C1QBP: variants seen among roughly 807,000 people sequenced by gnomAD.
The protein encoded by C1QBP is complement component 1 Q subcomponent-binding protein, mitochondrial.
Under a neutral mutation model 29.4 loss-of-function variants are expected in C1QBP, and 24 were observed. That is an observed-to-expected ratio of 0.82 (90% CI 0.59 to 1.15). C1QBP has a LOEUF of 1.15. Among genes scored for constraint, C1QBP ranks in the 50% most tolerant of loss-of-function variants. The pLI, the probability that C1QBP is intolerant of heterozygous loss-of-function variation, is 0.00. For synonymous variants in C1QBP, 182 were observed against 149.2 expected (o/e 1.22, Z -1.60); for missense variants, 337 against 355.8 (o/e 0.95, Z 0.43).
chr17:5,434,463 TC>T (rs199572857), intron 3 of C1QBP, among the ~76,000 whole-genome samples: 1,558 of 116,222 alleles, frequency 0.013, 13 homozygotes, highest in Middle Eastern at 0.045. Flanking sequence ...ATTCTCTCTC[TC>T]TTTTTTTTTT....
In C1QBP at chr17:5,436,207, G is replaced by A. The variant is rs966392453; in HGVS notation, c.384-1241C>T. On this transcript the variant is annotated intron_variant, in intron 2 of 5. Transcript: ENST00000225698. Reference sequence around the variant, plus strand: ...TGACTAAGCTGAGCTCCTGGGCACAGAAATTGAATGACGTTCATCAGAGCA... The same window carrying A: ...TGACTAAGCTGAGCTCCTGGGCACAAAAATTGAATGACGTTCATCAGAGCA... Among the ~76,000 whole-genome samples the A allele has an allele frequency of 1.9e-4, 29 of 151,300 alleles. 1 individual carries two copies. Among genetic ancestry groups the A allele is most frequent in the African/African-American group, 7.1e-4 (29 of 40,686 alleles).
At chr17:5,434,312 A>G (rs1037461739) in intron 3 of C1QBP, among the ~76,000 whole-genome samples, 1 of 152,206 alleles carries the variant, frequency 6.6e-6, no homozygotes, top group Non-Finnish European at 1.5e-5. Flanking sequence ...GTCATGACCC[A>G]ACACTGTACT....
At position 5,439,087 on chromosome 17, in the gene C1QBP, G is replaced by A. The variant is rs996211156; in HGVS notation, c.-14C>T. 8.2e-5 allele frequency: 126 copies of A among 1,540,454 alleles called. No homozygotes were observed. The highest frequency in any genetic ancestry group is 2.3e-4 in the Middle Eastern group (1 of 4,358). ...CAGAGGCAGCATCGCGGAAACGACT[G>A]CGAACACGTGCAGATGCAAAGGACA... On this transcript the variant is annotated 5_prime_UTR_variant, in exon 1 of 6. Transcript: ENST00000225698.
intron 2 of C1QBP, 75 bp downstream of exon 2, chr17:5,438,048 T>C: frequency 6.5e-7 from 1 of 1,534,764 alleles, no homozygotes; most frequent in African/African-American, 1.4e-5. Flanking sequence ...CTCAAGGCTC[T>C]TCTGGGGATG....
intron 2 of C1QBP, among the ~76,000 whole-genome samples, chr17:5,437,311 A>G (rs1043588688): frequency 3.9e-5 from 6 of 152,216 alleles, no homozygotes; most frequent in Non-Finnish European, 7.4e-5. Context: ...CATACACATC[A>G]TAAGGTCAAT....
intron 4 of C1QBP, 84 bp from the exon 5 acceptor site, chr17:5,433,499 G>C (rs1328147099): frequency 6.3e-7 from 1 of 1,578,858 alleles, no homozygotes; most frequent in African/African-American, 1.3e-5. Context: ...CTGACAGCAT[G>C]AAACTCATCA....
chr17:5,434,507 C>T (rs1013284880), intron 3 of C1QBP, among the ~76,000 whole-genome samples: 37 of 130,416 alleles, frequency 2.8e-4, no homozygotes, highest in African/African-American at 6.2e-4. Flanking sequence ...CTTGCTCTGT[C>T]GCCAGGCTGG....
chr17:5,435,544 AT>A (rs1916246214), intron 2 of C1QBP, among the ~76,000 whole-genome samples: 2 of 152,112 alleles, frequency 1.3e-5, no homozygotes, highest in Admixed American at 1.3e-4. Flanking sequence ...GTAGAGACTC[AT>A]CCCTTAGAGT....
Position 5,439,126 on chromosome 17 carries a change from C to G in C1QBP, c.-53G>C. The G allele has an allele frequency of 5.9e-6, 9 of 1,532,880 alleles. No individual in the cohort carries two copies. Among genetic ancestry groups the G allele is most frequent in the Non-Finnish European group, 7.0e-6 (8 of 1,140,030 alleles). 95.0% of individuals were successfully genotyped at this position (1,532,880 alleles called of 1,614,324 possible). ...ATGCAAAGGACAACCCAGGCCTAGG[C>G]GCCCCGCGACCTGAGGCGCCGCCGG... On this transcript the variant is annotated 5_prime_UTR_variant, in exon 1 of 6. Transcript: ENST00000225698.
Position 5,434,812 on chromosome 17 carries a change from T to C in C1QBP, c.477+61A>G, listed in dbSNP as rs1208215462. 2.0e-6 allele frequency: 3 copies of C among 1,488,808 alleles called. No homozygotes were observed. The East Asian group carries it at 6.8e-5, about 34-fold the overall frequency. 92.2% of individuals were successfully genotyped at this position (1,488,808 alleles called of 1,614,324 possible). On this transcript the variant is annotated intron_variant, in intron 3 of 5. Transcript: ENST00000225698. Reference sequence around the variant, plus strand: ...AAAGACCAAAGAAAAACGCTCCTCCTCTAAGCCCCAGGCACAGCCTGTCAG... The same window carrying C: ...AAAGACCAAAGAAAAACGCTCCTCCCCTAAGCCCCAGGCACAGCCTGTCAG...
intron 2 of C1QBP, among the ~76,000 whole-genome samples, chr17:5,437,529 G>A (rs1352765221): frequency 6.6e-6 from 1 of 152,164 alleles, no homozygotes. Flanking sequence ...GGGTTTTAGT[G>A]TTAGCCAGGA....
chr17:5,433,986 T>C (rs2151676222), intron 3 of C1QBP: 1 of 584,952 alleles, frequency 1.7e-6, no homozygotes, highest in East Asian at 2.9e-5. Context: ...TTAAGAAATG[T>C]GGATACCAGC....
At chr17:5,435,257 C>T (rs1256124574) in intron 2 of C1QBP, among the ~76,000 whole-genome samples, 1 of 152,226 alleles carries the variant, frequency 6.6e-6, no homozygotes, top group Non-Finnish European at 1.5e-5. Flanking sequence ...TTACTCCCAA[C>T]AGGGCCAGTA....
At position 5,439,131 on chromosome 17, in the gene C1QBP, C is replaced by A. The variant is rs534138778; in HGVS notation, c.-58G>T. ...AAGGACAACCCAGGCCTAGGCGCCC[C>A]GCGACCTGAGGCGCCGCCGGAAGCC... On this transcript the variant is annotated 5_prime_UTR_variant, in exon 1 of 6. Transcript: ENST00000225698. 5 of 1,530,948 alleles carry A rather than the reference C, an allele frequency of 3.3e-6. No individual in the cohort carries two copies. In the African/African-American group the frequency reaches 4.2e-5, roughly 13 times the overall value. The allele number at this position is 1,530,948 out of a possible 1,614,324, so 94.8% of individuals were successfully genotyped here.
At chr17:5,434,824 G>GCA (rs748861727) in intron 3 of C1QBP, 49 bp downstream of exon 3, 2 of 1,537,094 alleles carry the variant, frequency 1.3e-6, no homozygotes, top group Admixed American at 3.4e-5. Flanking sequence ...TAAGCCCCAG[G>GCA]CACAGCCTGT....
At position 5,433,222 on chromosome 17, in the gene C1QBP, T is replaced by C; in HGVS notation, c.700-58A>G. On this transcript the variant is annotated intron_variant, in intron 5 of 5. Transcript: ENST00000225698. The stretch of plus-strand genomic sequence containing the variant: ...AATCTGTAATGAACATTAAAATGCT[T>C]TTTTCTCCCCTTGAACTAGGACCCT... 2.5e-6 allele frequency: 4 copies of C among 1,609,756 alleles called. No individual in the cohort carries two copies. In the East Asian group the frequency reaches 8.9e-5, roughly 36 times the overall value.
intron 1 of C1QBP, 185 bp downstream of exon 1, chr17:5,438,657 C>A: frequency 1.5e-6 from 2 of 1,303,734 alleles, no homozygotes; most frequent in South Asian, 2.9e-5. Flanking sequence ...CACCCCCTAC[C>A]AAAAGAAAAC....
intron 2 of C1QBP, 22 bp downstream of exon 2, chr17:5,438,101 G>C (rs1047738029): frequency 6.2e-7 from 1 of 1,607,890 alleles, no homozygotes; most frequent in Non-Finnish European, 8.5e-7. Flanking sequence ...TGCTGCCCTG[G>C]GATCCCCAGA....
chr17:5,438,771 C>T, intron 1 of C1QBP, 71 bp downstream of exon 1: 1 of 1,543,532 alleles, frequency 6.5e-7, no homozygotes, highest in East Asian at 2.5e-5. Context: ...AGGTCGGTTG[C>T]AGGCCCTATT....
Sources: allele counts gnomAD v4.1 joint callset (sites outside exome capture counted in the v4.1 genomes callset), GRCh38; gene constraint gnomAD v4.1.1; transcripts MANE v1.5; gene names NCBI Gene and HGNC (gene_info 2026-07-23, HGNC 2026-07-21).